The following GLIS3 variants were observed in gnomAD, a reference collection of about 807,000 sequenced individuals.
The protein encoded by GLIS3 is zinc finger protein GLIS3.
Under a neutral mutation model 78.6 loss-of-function variants are expected in GLIS3, and 53 were observed. The observed-to-expected ratio is 0.67, with a 90% confidence interval of 0.54 to 0.85. The LOEUF (loss-of-function observed/expected upper bound fraction) is 0.85. GLIS3 is among the 40% of genes least tolerant of loss of function. The pLI, the probability that GLIS3 is intolerant of heterozygous loss-of-function variation, is 0.00. For missense variants in GLIS3, 1,703 were observed against 1,231.1 expected, an observed-to-expected ratio of 1.38 and a Z score of -5.74; for synonymous variants, 684 against 509.9, an observed-to-expected ratio of 1.34 and a Z score of -4.60.
chr9:4,453,466 A>T, the GLIS3 span, among the ~76,000 whole-genome samples: 1 of 152,132 alleles, frequency 6.6e-6, no homozygotes, highest in Non-Finnish European at 1.5e-5. Context: ...TCTACAAAGA[A>T]CTTAAACAAA....
intron 2 of GLIS3, among the ~76,000 whole-genome samples, chr9:4,325,413 C>A (rs1052154415): frequency 6.6e-6 from 1 of 152,184 alleles, no homozygotes; most frequent in African/African-American, 2.4e-5. Context: ...GTTTAAGGAA[C>A]AACATACAGT....
chr9:4,077,463 G>C (rs1298568114), intron 4 of GLIS3, among the ~76,000 whole-genome samples: 7 of 152,112 alleles, frequency 4.6e-5, no homozygotes, highest in African/African-American at 1.7e-4. Flanking sequence ...ACTTAGAAAG[G>C]AAAGATACTT....
At chr9:3,905,988 C>T (rs543427781) in intron 6 of GLIS3, among the ~76,000 whole-genome samples, 10 of 152,260 alleles carry the variant, frequency 6.6e-5, no homozygotes, top group Admixed American at 6.5e-4. Flanking sequence ...GGGCTGAAAC[C>T]TGAATGAAGC....
chr9:4,172,436 A>G (rs1816451863), intron 2 of GLIS3, among the ~76,000 whole-genome samples: 2 of 152,202 alleles, frequency 1.3e-5, no homozygotes, highest in Non-Finnish European at 2.9e-5. Flanking sequence ...TTAATTGGGA[A>G]TCTGGAGTTG....
At chr9:4,394,969 T>C in the GLIS3 span, among the ~76,000 whole-genome samples, 16 of 152,248 alleles carry the variant, frequency 1.1e-4, no homozygotes, top group Non-Finnish European at 1.8e-4. Flanking sequence ...ATGAGTGCTA[T>C]TCTTGCACTG....
chr9:4,134,578 A>T (rs550387280), intron 2 of GLIS3, among the ~76,000 whole-genome samples: 1 of 152,296 alleles, frequency 6.6e-6, no homozygotes, highest in Non-Finnish European at 1.5e-5. Flanking sequence ...GACCCAACAT[A>T]TATGATGTGC....
chr9:4,086,462 G>A (rs561268366), intron 4 of GLIS3, among the ~76,000 whole-genome samples: 9 of 152,184 alleles, frequency 5.9e-5, no homozygotes, highest in South Asian at 2.1e-4. Flanking sequence ...GTATTCCCAC[G>A]ACCTAACACA....
the GLIS3 span, among the ~76,000 whole-genome samples, chr9:4,430,781 T>A: frequency 6.6e-6 from 1 of 152,196 alleles, no homozygotes; most frequent in East Asian, 1.9e-4. Context: ...AGATAAATGC[T>A]GTTAACTTAA....
At chr9:3,919,728 T>C (rs1588227571) in intron 6 of GLIS3, among the ~76,000 whole-genome samples, 1 of 151,826 alleles carries the variant, frequency 6.6e-6, no homozygotes, top group African/African-American at 2.4e-5. Flanking sequence ...GATGGTACTA[T>C]TGGCTCAGTT....
At chr9:4,188,489 A>G (rs1818016354) in intron 2 of GLIS3, among the ~76,000 whole-genome samples, 1 of 150,626 alleles carries the variant, frequency 6.6e-6, no homozygotes, top group South Asian at 2.1e-4. Context: ...CGGCTTTGGT[A>G]TCAGGATGAT....
intron 2 of GLIS3, among the ~76,000 whole-genome samples, chr9:4,227,435 G>C (rs1428178330): frequency 1.3e-5 from 2 of 152,076 alleles, no homozygotes; most frequent in South Asian, 2.1e-4. Context: ...AGATTGTATT[G>C]ATCTCTCTGA....
intron 4 of GLIS3, among the ~76,000 whole-genome samples, chr9:3,953,211 T>A (rs1816818575): frequency 6.6e-6 from 1 of 152,112 alleles, no homozygotes; most frequent in Non-Finnish European, 1.5e-5. Flanking sequence ...GGAAAAAAAA[T>A]GAACTTGGAT....
chr9:3,833,294 A>T (rs1290853211), intron 9 of GLIS3, among the ~76,000 whole-genome samples: 2 of 152,164 alleles, frequency 1.3e-5, no homozygotes, highest in Admixed American at 1.3e-4. Flanking sequence ...TGCCAAATAC[A>T]CTGGTGTGGA....
At chr9:4,402,679 C>A in the GLIS3 span, among the ~76,000 whole-genome samples, 2 of 152,084 alleles carry the variant, frequency 1.3e-5, no homozygotes, top group Admixed American at 6.5e-5. Flanking sequence ...ATGCAATTGA[C>A]ATGCTGAAAA....
chr9:4,279,330 C>T (rs1356201498), intron 2 of GLIS3, among the ~76,000 whole-genome samples: 8,134 of 54,190 alleles, frequency 0.15, 532 homozygotes, highest in South Asian at 0.24. Flanking sequence ...TATATACACA[C>T]ACACACACAC....
At chr9:3,834,748 AG>A (rs1297538928) in intron 9 of GLIS3, among the ~76,000 whole-genome samples, 1 of 152,202 alleles carries the variant, frequency 6.6e-6, no homozygotes, top group Admixed American at 6.5e-5. Context: ...TCTTTGTGGA[AG>A]GAACCAGAAT....
At chr9:4,259,312 G>A (rs1188768191) in intron 2 of GLIS3, among the ~76,000 whole-genome samples, 2 of 151,418 alleles carry the variant, frequency 1.3e-5, no homozygotes, top group African/African-American at 4.9e-5. Context: ...AGAACCAAGA[G>A]CCCCCAGTCC....
At chr9:4,481,786 T>C in the GLIS3 span, among the ~76,000 whole-genome samples, 1 of 152,200 alleles carries the variant, frequency 6.6e-6, no homozygotes, top group Non-Finnish European at 1.5e-5. Context: ...AGTGTTTGAG[T>C]TAGAGAATAC....
At chr9:4,266,434 TCAC>T (rs1031783552) in intron 2 of GLIS3, among the ~76,000 whole-genome samples, 2 of 152,098 alleles carry the variant, frequency 1.3e-5, no homozygotes, top group African/African-American at 4.8e-5. Flanking sequence ...AAAAGAACCA[TCAC>T]CACAAGTTCA....
Sources: gnomAD v4.1 joint callset for allele counts (sites outside exome capture counted in the v4.1 genomes callset) on GRCh38, gnomAD v4.1.1 for gene constraint, MANE v1.5 for transcripts, NCBI Gene and HGNC (gene_info 2026-07-23, HGNC 2026-07-21) for gene names.